MYO1E: variants seen among roughly 807,000 people sequenced by gnomAD.
MYO1E encodes myosin IE.
A neutral mutation model predicts 151.1 loss-of-function variants in MYO1E; 68 were observed. The ratio of observed to expected loss-of-function variants is 0.45; its 90% CI spans 0.37 to 0.55. The LOEUF (loss-of-function observed/expected upper bound fraction) is 0.55, where lower values mean the gene tolerates loss of function less well. Among genes scored for constraint, MYO1E ranks in the 20% least tolerant of loss-of-function variants. The pLI is 0.00. For synonymous variants in MYO1E, 601 were observed against 501.7 expected (o/e 1.20, Z -2.64); for missense variants, 1,363 against 1,389.3 (o/e 0.98, Z 0.30).
At chr15:59,200,959 A>G (rs1222820637) in intron 16 of MYO1E, among the ~76,000 whole-genome samples, 1 of 152,158 alleles carries the variant, frequency 6.6e-6, no homozygotes. Flanking sequence ...CCCTGCTGTC[A>G]CTCAACCATT....
intron 1 of MYO1E, among the ~76,000 whole-genome samples, chr15:59,296,015 C>T (rs2414634): frequency 0.72 from 109,144 of 152,010 alleles, 40,127 homozygotes; most frequent in South Asian, 0.89. Flanking sequence ...GCTTTTAACC[C>T]AGAGACAGAG....
At chr15:59,246,529 G>A (rs1316500855) in intron 4 of MYO1E, among the ~76,000 whole-genome samples, 1 of 152,124 alleles carries the variant, frequency 6.6e-6, no homozygotes, top group Non-Finnish European at 1.5e-5. Context: ...AAAGTCATAC[G>A]TCGGCTTCCT....
chr15:59,354,484 C>G (rs1409349285), intron 1 of MYO1E, among the ~76,000 whole-genome samples: 3 of 152,176 alleles, frequency 2.0e-5, no homozygotes, highest in African/African-American at 7.2e-5. Context: ...CCACAAACGT[C>G]AGAAAAGCCC....
intron 1 of MYO1E, among the ~76,000 whole-genome samples, chr15:59,357,416 A>T (rs1050112008): frequency 8.6e-5 from 13 of 150,678 alleles, no homozygotes; most frequent in Non-Finnish European, 1.3e-4. Context: ...GATTTTGAAG[A>T]AGGAGATAAC....
intron 1 of MYO1E, among the ~76,000 whole-genome samples, chr15:59,352,255 C>A (rs1294156305): frequency 6.6e-6 from 1 of 152,118 alleles, no homozygotes; most frequent in African/African-American, 2.4e-5. Context: ...ATGATTGAGT[C>A]GCATATCTGA....
At chr15:59,327,896 T>A (rs1291444337) in intron 1 of MYO1E, among the ~76,000 whole-genome samples, 4 of 152,208 alleles carry the variant, frequency 2.6e-5, no homozygotes, top group African/African-American at 7.2e-5. Flanking sequence ...TCCAGACATG[T>A]CTTGGGAAGG....
Position 59,133,656 on chromosome 15 carries a change from G to C in MYO1E, c.*3724C>G, listed in dbSNP as rs945916908. 15 of 152,234 alleles carry C rather than the reference G, an allele frequency of 9.9e-5. No homozygotes were observed. Among genetic ancestry groups the C allele is most frequent in the African/African-American group, 3.4e-4 (14 of 41,440 alleles). 9.4% of individuals were successfully genotyped at this position (152,234 alleles called of 1,614,324 possible). A position where few individuals can be genotyped will look rare whatever the true frequency, so the allele number is the denominator to read the frequency against. ...GCAGAATTGCAGAAAGGCTCCTCTG[G>C]TCTTTCTTTTGATCACAAAAGTGAG... On this transcript the variant is annotated 3_prime_UTR_variant, in exon 28 of 28. Coordinates refer to ENST00000288235, the MANE Select transcript of MYO1E (RefSeq NM_004998.4).
At chr15:59,294,516 C>T (rs1473188250) in intron 1 of MYO1E, among the ~76,000 whole-genome samples, 3 of 152,178 alleles carry the variant, frequency 2.0e-5, no homozygotes, top group East Asian at 1.9e-4. Flanking sequence ...TGCTTGGTCA[C>T]GTCATGCCAT....
intron 1 of MYO1E, among the ~76,000 whole-genome samples, chr15:59,314,701 G>C (rs1210146586): frequency 6.6e-6 from 1 of 152,084 alleles, no homozygotes; most frequent in Non-Finnish European, 1.5e-5. Context: ...GACTGAGGAG[G>C]GGGTACTACT....
At chr15:59,302,830 C>T (rs2080491105) in intron 1 of MYO1E, among the ~76,000 whole-genome samples, 1 of 152,176 alleles carries the variant, frequency 6.6e-6, no homozygotes, top group Admixed American at 6.5e-5. Context: ...ATAAAAGACA[C>T]TTGCCAATTT....
chr15:59,164,301 C>T (rs3794498), intron 22 of MYO1E, among the ~76,000 whole-genome samples: 44,373 of 152,112 alleles, frequency 0.29, 7,033 homozygotes, highest in East Asian at 0.58. Context: ...CTGCCAAATA[C>T]CAAAGACAAC....
At chr15:59,243,895 C>T (rs1370288335) in intron 4 of MYO1E, among the ~76,000 whole-genome samples, 3 of 151,812 alleles carry the variant, frequency 2.0e-5, no homozygotes, top group Non-Finnish European at 4.4e-5. Context: ...TCACAGACTC[C>T]GCTTCCTGGC....
At position 59,224,676 on chromosome 15, in the gene MYO1E, C is replaced by A. The variant is rs2306781; in HGVS notation, c.777+13G>T. ...GGAGAGCAGATCCTGCCTGGCCCTG[C>A]GCCAGCACTTACCAGAGTTTCCTGA... is the stretch of plus-strand genomic sequence containing the variant. On this transcript the variant is annotated intron_variant, in intron 8 of 27. Transcript: ENST00000288235. The A allele has an allele frequency of 1.2e-6, 2 of 1,613,972 alleles. No individual in the cohort carries two copies. Among genetic ancestry groups the A allele is most frequent in the Middle Eastern group, 1.7e-4 (1 of 6,048 alleles).
In MYO1E at chr15:59,237,672, G is replaced by A. The variant is rs114388288; in HGVS notation, c.333-1000C>T. Among the ~76,000 whole-genome samples the A allele has an allele frequency of 4.7e-3, 711 of 152,332 alleles. 6 individuals are homozygous for A. Among genetic ancestry groups the A allele is most frequent in the African/African-American group, 0.016 (681 of 41,562 alleles). ...GCTTCGCGATAAAAAATTTTAGGGC[G>A]CAGAGCAAATGTTCTTCTATGAATA... On this transcript the variant is annotated intron_variant, in intron 4 of 27. Coordinates refer to ENST00000288235, the MANE Select transcript of MYO1E (RefSeq NM_004998.4).
At chr15:59,332,811 C>T (rs966080204) in intron 1 of MYO1E, among the ~76,000 whole-genome samples, 1 of 152,056 alleles carries the variant, frequency 6.6e-6, no homozygotes, top group Admixed American at 6.5e-5. Context: ...GATCCTCCCA[C>T]CTCGGCCGCC....
chr15:59,281,351 C>T (rs2080352377), intron 1 of MYO1E, among the ~76,000 whole-genome samples: 1 of 151,548 alleles, frequency 6.6e-6, no homozygotes, highest in South Asian at 2.1e-4. Context: ...TCTTGGCTCA[C>T]TGCAACCTCC....
intron 1 of MYO1E, among the ~76,000 whole-genome samples, chr15:59,353,369 A>AAAAAAAAAAAAGAAAAG (rs1178465167): frequency 1.0e-5 from 1 of 96,850 alleles, no homozygotes; most frequent in African/African-American, 4.2e-5. Flanking sequence ...AAAAAAAAAA[A>AAAAAAAAAAAAGAAAAG]AAAAGAAAAG....
intron 24 of MYO1E, among the ~76,000 whole-genome samples, chr15:59,160,476 C>A (rs2140310334): frequency 6.6e-6 from 1 of 151,456 alleles, no homozygotes; most frequent in Non-Finnish European, 1.5e-5. Context: ...CAGTAAAGAT[C>A]ATGATTTACT....
chr15:59,199,491 A>G (rs1313269408), intron 16 of MYO1E, among the ~76,000 whole-genome samples: 2 of 152,210 alleles, frequency 1.3e-5, no homozygotes, highest in Non-Finnish European at 2.9e-5. Flanking sequence ...GGAAATGCTC[A>G]TTGGAGCATT....
Sources: gnomAD v4.1 joint callset for allele counts (sites outside exome capture counted in the v4.1 genomes callset) on GRCh38, gnomAD v4.1.1 for gene constraint, MANE v1.5 for transcripts, NCBI Gene and HGNC (gene_info 2026-07-23, HGNC 2026-07-21) for gene names.